RGS7: variants seen among roughly 807,000 people sequenced by gnomAD.
The protein encoded by RGS7 is regulator of G protein signaling 7.
Under a neutral mutation model 81.1 loss-of-function variants are expected in RGS7, and 27 were observed. That is an observed-to-expected ratio of 0.33 (90% CI 0.25 to 0.46). The LOEUF (loss-of-function observed/expected upper bound fraction) is 0.46. RGS7 is among the 20% of genes least tolerant of loss of function. The pLI, the probability that RGS7 is intolerant of heterozygous loss-of-function variation, is 1.00. For synonymous variants in RGS7, 208 were observed against 207.7 expected, an observed-to-expected ratio of 1.00 and a Z score of -0.01; for missense variants, 396 against 607.4, an observed-to-expected ratio of 0.65 and a Z score of 3.66.
intron 6 of RGS7, among the ~76,000 whole-genome samples, chr1:240,911,051 T>C (rs1391115530): frequency 1.3e-5 from 2 of 152,178 alleles, no homozygotes; most frequent in East Asian, 1.9e-4. Flanking sequence ...ATTCCTACTA[T>C]ATTCTGGGCA....
chr1:240,894,638 AT>A (rs555533855), intron 6 of RGS7, among the ~76,000 whole-genome samples: 128 of 150,494 alleles, frequency 8.5e-4, no homozygotes, highest in African/African-American at 2.9e-3. Flanking sequence ...ATTTTTCCTG[AT>A]TTTTTTTTCT....
At chr1:240,915,439 T>C (rs1488147848) in intron 6 of RGS7, among the ~76,000 whole-genome samples, 2 of 152,132 alleles carry the variant, frequency 1.3e-5, no homozygotes, top group Non-Finnish European at 2.9e-5. Flanking sequence ...AGGGCTCCTG[T>C]ATAATAACAG....
rs1335664431 is a variant in RGS7, at chr1:241,034,366, T to C, written c.176-51237A>G. On this transcript the variant is annotated intron_variant, in intron 3 of 18. Coordinates refer to ENST00000440928, the MANE Select transcript of RGS7 (RefSeq NM_001364886.1). ...CATCTTTAGACCTTTACTGAAGTTA[T>C]GTTACTGTTGCCGGAGTAACTAACA... 3.9e-5 allele frequency among the ~76,000 whole-genome samples: 6 copies of C among 152,350 alleles called. No individual in the cohort carries two copies. In the South Asian group the frequency reaches 8.3e-4, roughly 21 times the overall value.
chr1:240,859,438 CT>C (rs1171056318), intron 9 of RGS7, among the ~76,000 whole-genome samples: 2 of 118,394 alleles, frequency 1.7e-5, no homozygotes, highest in Admixed American at 1.9e-4. Flanking sequence ...TCTTTCTTTC[CT>C]GTTTTTTTTT....
chr1:241,244,619 G>A (rs1263803797), intron 2 of RGS7, among the ~76,000 whole-genome samples: 1 of 152,068 alleles, frequency 6.6e-6, no homozygotes, highest in Non-Finnish European at 1.5e-5. Context: ...TATACGCAAA[G>A]GATTATAAAT....
At chr1:241,220,913 GGAAAGGAA>G (rs150100442) in intron 2 of RGS7, among the ~76,000 whole-genome samples, 112 of 146,368 alleles carry the variant, frequency 7.7e-4, no homozygotes, top group Non-Finnish European at 1.1e-3. Flanking sequence ...AAGGAAGAAA[GGAAAGGAA>G]GAAAGGAAGA....
At chr1:240,780,790 T>G (rs1266622757) in intron 18 of RGS7, among the ~76,000 whole-genome samples, 4 of 151,736 alleles carry the variant, frequency 2.6e-5, no homozygotes, top group African/African-American at 9.7e-5. Flanking sequence ...GGTGCGTGCC[T>G]GTAGTCCCAG....
chr1:241,108,084 G>C (rs2065245695), intron 2 of RGS7, among the ~76,000 whole-genome samples: 1 of 108,502 alleles, frequency 9.2e-6, no homozygotes, highest in African/African-American at 7.7e-5. Flanking sequence ...CACAAGGTCA[G>C]GAGTTTGAGA....
At chr1:241,277,152 C>T (rs1340235326) in intron 2 of RGS7, among the ~76,000 whole-genome samples, 2 of 152,158 alleles carry the variant, frequency 1.3e-5, no homozygotes, top group Admixed American at 1.3e-4. Context: ...TGCATTGCTC[C>T]AATTTCTTCT....
Position 241,051,842 on chromosome 1 carries a change from T to C in RGS7, c.175+46824A>G, listed in dbSNP as rs957077078. ...TTATTCACTCCTTCTAACTGCCTTA[T>C]TCAGTAGGTGCTATAATTATTACTA... On this transcript the variant is annotated intron_variant, in intron 3 of 18. Coordinates refer to ENST00000440928, the MANE Select transcript of RGS7 (RefSeq NM_001364886.1). 3.3e-5 allele frequency among the ~76,000 whole-genome samples: 5 copies of C among 152,176 alleles called. No homozygotes were observed. The South Asian group carries it at 1.0e-3, about 31-fold the overall frequency.
At chr1:241,248,500 T>C (rs2076670103) in intron 2 of RGS7, among the ~76,000 whole-genome samples, 1 of 151,316 alleles carries the variant, frequency 6.6e-6, no homozygotes, top group Admixed American at 6.6e-5. Context: ...ATGACTGTGG[T>C]TCAGTCTCCC....
intron 6 of RGS7, among the ~76,000 whole-genome samples, chr1:240,875,291 T>C (rs1190147632): frequency 6.6e-6 from 1 of 152,186 alleles, no homozygotes; most frequent in East Asian, 1.9e-4. Context: ...AGTATTTGTG[T>C]TTCAGTGCCT....
intron 2 of RGS7, among the ~76,000 whole-genome samples, chr1:241,252,545 A>G (rs766026631): frequency 2.6e-5 from 4 of 152,096 alleles, no homozygotes; most frequent in Non-Finnish European, 5.9e-5. Context: ...CACACAGCCC[A>G]GTGTATTCTC....
intron 2 of RGS7, among the ~76,000 whole-genome samples, chr1:241,277,449 C>T (rs1198364634): frequency 6.6e-6 from 1 of 152,026 alleles, no homozygotes; most frequent in Non-Finnish European, 1.5e-5. Flanking sequence ...GAAACCCTGT[C>T]TCTACTAAAA....
Position 241,321,507 on chromosome 1 carries a change from G to A in RGS7, c.78+34192C>T, listed in dbSNP as rs554891495. On this transcript the variant is annotated intron_variant, in intron 2 of 18. Transcript: ENST00000440928. ...CAGATTCACTTTCCAAAGGCACACT[G>A]AAAAATCTTCATGCAGATTAAAAGA... 4.6e-5 allele frequency among the ~76,000 whole-genome samples: 7 copies of A among 152,220 alleles called. No homozygotes were observed. In the East Asian group the frequency reaches 1.4e-3, roughly 29 times the overall value.
At position 241,146,119 on chromosome 1, in the gene RGS7, C is replaced by T. The variant is rs1394650901; in HGVS notation, c.79-47357G>A. 2.0e-5 allele frequency among the ~76,000 whole-genome samples: 3 copies of T among 152,178 alleles called. No homozygotes were observed. In the East Asian group the frequency reaches 5.8e-4, roughly 30 times the overall value. ...AAGGTGAAGGAAGGAAAAGCAAACA[C>T]AGTCAGCCCTCCCTCCACACTGGCA... is the stretch of plus-strand genomic sequence containing the variant. On this transcript the variant is annotated intron_variant, in intron 2 of 18. Coordinates refer to ENST00000440928, the MANE Select transcript of RGS7 (RefSeq NM_001364886.1).
intron 2 of RGS7, among the ~76,000 whole-genome samples, chr1:241,323,771 C>T (rs761403188): frequency 1.3e-5 from 2 of 152,188 alleles, no homozygotes; most frequent in African/African-American, 2.4e-5. Context: ...TCACATCTAT[C>T]CTGAAATGCA....
At chr1:240,908,364 TA>T (rs1326407464) in intron 6 of RGS7, among the ~76,000 whole-genome samples, 1 of 151,744 alleles carries the variant, frequency 6.6e-6, no homozygotes, top group Non-Finnish European at 1.5e-5. Context: ...TAAATTAAAT[TA>T]AAAAAAGAAA....
intron 4 of RGS7, among the ~76,000 whole-genome samples, chr1:240,974,641 G>A (rs1444943311): frequency 6.6e-6 from 1 of 152,144 alleles, no homozygotes; most frequent in Admixed American, 6.6e-5. Context: ...AGTATCAAAT[G>A]GAAATATTCT....
Sources: gnomAD v4.1 joint callset for allele counts (sites outside exome capture counted in the v4.1 genomes callset) on GRCh38, gnomAD v4.1.1 for gene constraint, MANE v1.5 for transcripts, NCBI Gene and HGNC (gene_info 2026-07-23, HGNC 2026-07-21) for gene names.